The following TTN variants were observed in gnomAD, a reference collection of about 807,000 sequenced individuals.
TTN encodes the protein titin.
Under a neutral mutation model 3,223.0 loss-of-function variants are expected in TTN, and 1,525 were observed. That is an observed-to-expected ratio of 0.47 (90% CI 0.45 to 0.49). The LOEUF (loss-of-function observed/expected upper bound fraction) is 0.49, where lower values mean the gene tolerates loss of function less well. Among genes scored for constraint, TTN ranks in the 20% least tolerant of loss-of-function variants. The pLI, the probability that TTN is intolerant of heterozygous loss-of-function variation, is 0.00. For synonymous variants in TTN, 14,094 were observed against 15,161.0 expected (o/e 0.93, Z 5.17); for missense variants, 40,786 against 43,424.0 (o/e 0.94, Z 5.40).
intron 115 of TTN, 91 bp downstream of exon 115, chr2:178,695,257 G>A (rs1467905571): frequency 1.0e-6 from 1 of 955,318 alleles, no homozygotes; most frequent in East Asian, 2.5e-5. Flanking sequence ...TGTGCCTATT[G>A]GATTGAACTG....
In TTN at chr2:178,602,479, A is replaced by G; in HGVS notation, c.54923T>C (p.Ile18308Thr). Residue 18308 changes from isoleucine to threonine, a missense_variant, in exon 283 of 363, where the codon ATT (isoleucine) becomes ACT (threonine). Ile to Thr is a moderately conservative substitution (Grantham distance 89). Coordinates refer to ENST00000589042, the MANE Select transcript of TTN (RefSeq NM_001267550.2). ...KDGGSPIKGY[I>T]VEMQEEGTTD... ...AGTACCTTCTTCTTGCATTTCTACA[A>G]TGTATCCTTTGATTGGGCTGCCACC... 6.2e-7 allele frequency: 1 copy of G among 1,611,944 alleles called. No individual in the cohort carries two copies. The highest frequency in any genetic ancestry group is 8.5e-7 in the Non-Finnish European group (1 of 1,178,928).
At chr2:178,788,629 T>C (rs1447468758) in intron 13 of TTN, among the ~76,000 whole-genome samples, 2 of 152,100 alleles carry the variant, frequency 1.3e-5, no homozygotes, top group East Asian at 3.8e-4. Flanking sequence ...AGTGGTATAT[T>C]AGCAATAAAG....
At position 178,739,209 on chromosome 2, in the gene TTN, T is replaced by C. The variant is rs776394244; in HGVS notation, c.14024A>G (p.Tyr4675Cys). The C allele has an allele frequency of 5.1e-6, 8 of 1,561,112 alleles. No homozygotes were observed. The Admixed American group carries it at 7.1e-5, about 14-fold the overall frequency. Reference sequence around the variant, plus strand: ...GCTGTCATTCAAGGCCTCACAGACATACTCTCCTTGATGGTCTTCGGTATT... The same window carrying C: ...GCTGTCATTCAAGGCCTCACAGACACACTCTCCTTGATGGTCTTCGGTATT... ...KVNTEDHQGE[Y>C]VCEALNDSGK... Residue 4675 changes from tyrosine to cysteine, a missense_variant, in exon 48 of 363, where the codon TAT becomes TGT. Tyr to Cys is a radical substitution (Grantham distance 194). Coordinates refer to ENST00000589042, the MANE Select transcript of TTN (RefSeq NM_001267550.2).
Position 178,544,103 on chromosome 2 carries a change from A to G in TTN, c.96041T>C (p.Leu32014Pro), listed in dbSNP as rs771064577. The G allele has an allele frequency of 6.2e-7, 1 of 1,606,568 alleles. No individual in the cohort carries two copies. The highest frequency in any genetic ancestry group is 1.3e-5 in the African/African-American group (1 of 74,588). ...EPVERIEIPD[L>P]ELADDLKKTV... ...CTTCTTTAGATCATCTGCAAGCTCAAGATCTGGTATTTCTGGAAAGTTAAT... is the reference window on the plus strand; with the variant it reads ...CTTCTTTAGATCATCTGCAAGCTCAGGATCTGGTATTTCTGGAAAGTTAAT... Residue 32014 changes from leucine (L) to proline (P), a missense_variant, in exon 346 of 363, where the codon CTT becomes CCT. Leu to Pro is a moderately conservative substitution (Grantham distance 98). Transcript: ENST00000589042.
rs1553911494 is a variant in TTN, at chr2:178,722,860, C to T, written c.22039G>A (p.Ala7347Thr). ...GACACTGTAATTTCTGGTGTCCCAGCAACTTGGCATTGTAAAGAAACCGAA... is the reference window on the plus strand; with the variant it reads ...GACACTGTAATTTCTGGTGTCCCAGTAACTTGGCATTGTAAAGAAACCGAA... Reference protein sequence around the residue: ...GDSVSLQCQVAGTPEITVSWY... With the variant: ...GDSVSLQCQVTGTPEITVSWY... Residue 7347 changes from alanine to threonine, a missense_variant, in exon 76 of 363, where the codon GCT becomes ACT. Ala to Thr is a moderately conservative substitution (Grantham distance 58). Coordinates refer to ENST00000589042, the MANE Select transcript of TTN (RefSeq NM_001267550.2). The T allele has an allele frequency of 6.2e-7, 1 of 1,613,174 alleles. No individual in the cohort carries two copies. The highest frequency in any genetic ancestry group is 8.5e-7 in the Non-Finnish European group (1 of 1,179,508).
rs371324060 is a variant in TTN at position 178,581,668 on chromosome 2, G to A, written c.66600C>T (p.Ser22200=). 8.1e-6 allele frequency: 13 copies of A among 1,612,630 alleles called. No homozygotes were observed. The highest frequency in any genetic ancestry group is 2.2e-5 in the East Asian group (1 of 44,612). Reference sequence around the variant, plus strand: ...GTAAGTTGCACCTCACCCAGTTATCGGAGTCAGCCCGTTTTACTTCAACGA... The same window carrying A: ...GTAAGTTGCACCTCACCCAGTTATCAGAGTCAGCCCGTTTTACTTCAACGA... ...GYLVEVKRAD[S]DNWVRCNLPQ... is the part of the protein sequence containing the mutation. Residue 22200 remains serine, a synonymous_variant, in exon 316 of 363, where the codon TCC becomes TCT. Coordinates refer to ENST00000589042, the MANE Select transcript of TTN (RefSeq NM_001267550.2).
At position 178,528,623 on chromosome 2, in the gene TTN, A is replaced by G; in HGVS notation, c.107128T>C (p.Ser35710Pro). 1 of 1,612,672 alleles carries G rather than the reference A, an allele frequency of 6.2e-7. No individual in the cohort carries two copies. The highest frequency in any genetic ancestry group is 8.5e-7 in the Non-Finnish European group (1 of 1,179,262). ...TTTTGTCCTTCATTAATATTTTGAGATCTAGGCTGTGAGATGAAGGCTGGA... is the reference window on the plus strand; with the variant it reads ...TTTTGTCCTTCATTAATATTTTGAGGTCTAGGCTGTGAGATGAAGGCTGGA... ...DAPAFISQPR[S>P]QNINEGQNVL... Residue 35710 changes from serine to proline, a missense_variant, in exon 360 of 363, where the codon TCT (serine) becomes CCT (proline). Ser to Pro is a moderately conservative substitution (Grantham distance 74). Coordinates refer to ENST00000589042, the MANE Select transcript of TTN (RefSeq NM_001267550.2).
rs1260375750 is a variant in TTN, at chr2:178,778,676, T to C, written c.4208+198A>G. ...TAGCACTAGGAAAATAAACAGTATGTTACACTGATGAAAATTCTTTGCTCA... is the reference window on the plus strand; with the variant it reads ...TAGCACTAGGAAAATAAACAGTATGCTACACTGATGAAAATTCTTTGCTCA... On this transcript the variant is annotated intron_variant, in intron 24 of 362. Transcript: ENST00000589042. 4.3e-6 allele frequency: 3 copies of C among 693,398 alleles called. No homozygotes were observed. In the African/African-American group the frequency reaches 5.4e-5, roughly 12 times the overall value. The allele number at this position is 693,398 out of a possible 1,614,324, so 43.0% of individuals were successfully genotyped here.
chr2:178,593,923 G>T, intron 297 of TTN, 38 bp downstream of exon 297: 17 of 1,607,770 alleles, frequency 1.1e-5, no homozygotes, highest in Non-Finnish European at 1.4e-5. Flanking sequence ...GCTTTTGAAA[G>T]AACAGAAGAT....
In TTN at chr2:178,597,981, A is replaced by C. The variant is rs1314872554; in HGVS notation, c.57189T>G (p.Val19063=). The change falls in exon 293 of 363, where the codon GTT becomes GTG. Residue 19063 remains valine, a synonymous_variant. Transcript: ENST00000589042. ...CAATGCCAGCAATGTTGACTGCTCT[A>C]ACTCTAAATTTGTAGAATGCTCCTT... ...LKEGAFYKFR[V]RAVNIAGIGE... The C allele has an allele frequency of 1.5e-5, 25 of 1,613,384 alleles. No individual in the cohort carries two copies. The highest frequency in any genetic ancestry group is 2.0e-5 in the Non-Finnish European group (24 of 1,179,568).
chr2:178,610,079 T>G lies in TTN; in HGVS notation c.51436+11A>C. On this transcript the variant is annotated intron_variant, in intron 271 of 362. Coordinates refer to ENST00000589042, the MANE Select transcript of TTN (RefSeq NM_001267550.2). Reference sequence around the variant, plus strand: ...AGTTCTTAGCCATAGTGCATCCATGTCCAAACTTACGCTTTGGATCTTGAG... The same window carrying G: ...AGTTCTTAGCCATAGTGCATCCATGGCCAAACTTACGCTTTGGATCTTGAG... 6.2e-7 allele frequency: 1 copy of G among 1,612,622 alleles called. No individual in the cohort carries two copies. The highest frequency in any genetic ancestry group is 8.5e-7 in the Non-Finnish European group (1 of 1,179,236).
rs760457056 is a variant in TTN at position 178,590,481 on chromosome 2, G to A, written c.61244C>T (p.Thr20415Ile). The A allele has an allele frequency of 1.1e-5, 17 of 1,612,872 alleles. No homozygotes were observed. The highest frequency in any genetic ancestry group is 4.4e-5 in the South Asian group (4 of 91,016). The change falls in exon 304 of 363, where the codon ACA becomes ATA. Residue 20415 changes from threonine to isoleucine, a missense_variant. Thr to Ile is a moderately conservative substitution (Grantham distance 89). Coordinates refer to ENST00000589042, the MANE Select transcript of TTN (RefSeq NM_001267550.2). ...GYVVECQKPG[T>I]AQWNRINKDE... ...TTTATTAATCCTGTTCCATTGTGCT[G>A]TGCCAGGTTTCTGACATTCCACTAC...
At chr2:178,663,562 C>T in intron 171 of TTN, 46 bp from the exon 172 acceptor site, 1 of 1,613,652 alleles carries the variant, frequency 6.2e-7, no homozygotes, top group Non-Finnish European at 8.5e-7. Flanking sequence ...ATGAAGACCA[C>T]TAGAAAAATA....
rs2080290045 is a variant in TTN, at chr2:178,730,668, A to G, written c.17865T>C (p.Asp5955=). 1 of 1,613,690 alleles carries G rather than the reference A, an allele frequency of 6.2e-7. No individual in the cohort carries two copies. The highest frequency in any genetic ancestry group is 8.5e-7 in the Non-Finnish European group (1 of 1,179,714). Residue 5955 remains aspartate, a synonymous_variant, in exon 61 of 363, where the codon GAT becomes GAC. Coordinates refer to ENST00000589042, the MANE Select transcript of TTN (RefSeq NM_001267550.2). ...SHPISIQWFK[D]DQEISASEKY... is the part of the protein sequence containing the mutation. ...TTTCACTAGCTGATATTTCTTGGTC[A>G]TCTTTGAACCACTGGATGCTTATGG...
rs2050121719 is a variant in TTN, at chr2:178,591,181, GAAT to G, written c.60541_60543del (p.Ile20181del). The G allele has an allele frequency of 6.2e-7, 1 of 1,613,240 alleles. No homozygotes were observed. The highest frequency in any genetic ancestry group is 1.3e-5 in the African/African-American group (1 of 74,870). ...GTCATGTGTTCAGGAGTAACATCCAGAATATTAATAGGACCTGTTGGTGGCCCA... is the reference window on the plus strand; with the variant it reads ...GTCATGTGTTCAGGAGTAACATCCAGATTAATAGGACCTGTTGGTGGCCCA... On this transcript the variant is annotated inframe_deletion, in exon 304 of 363. Transcript: ENST00000589042.
intron 69 of TTN, 78 bp downstream of exon 69, chr2:178,727,012 T>C: frequency 1.6e-6 from 2 of 1,267,746 alleles, no homozygotes; most frequent in Non-Finnish European, 1.0e-6. Context: ...AAAATGATAG[T>C]AAATGAATAA....
chr2:178,667,536 A>G lies in TTN; in HGVS notation c.35630-11T>C. 6.3e-6 allele frequency: 10 copies of G among 1,593,970 alleles called. No homozygotes were observed. Among genetic ancestry groups the G allele is most frequent in the Non-Finnish European group, 8.5e-6 (10 of 1,177,248 alleles). ...TGGGTGGCTCAGGCACTTAAAAGAT[A>G]TGAGTATAGTTATATTTATAAATGG... On this transcript the variant is annotated splice_polypyrimidine_tract_variant and intron_variant, in intron 160 of 362. Transcript: ENST00000589042.
At chr2:178,621,430 T>C in intron 245 of TTN, 45 bp downstream of exon 245, 2 of 1,606,628 alleles carry the variant, frequency 1.2e-6, no homozygotes, top group Non-Finnish European at 8.5e-7. Context: ...ATCTAGCAAG[T>C]GTGAATTGTT....
At position 178,613,936 on chromosome 2, in the gene TTN, A is replaced by T; in HGVS notation, c.49347T>A (p.Asp16449Glu). The T allele has an allele frequency of 3.7e-6, 6 of 1,607,160 alleles. No homozygotes were observed. Among genetic ancestry groups the T allele is most frequent in the Non-Finnish European group, 5.1e-6 (6 of 1,176,848 alleles). ...CTAGGCGAGTTGGAGGACCAGGTGG[A>T]TCTATAGACAGGATAATGGTGTAAA... ...ASPITAKYQFDPPGPPTRLEP... is the reference protein window; with the variant it reads ...ASPITAKYQFEPPGPPTRLEP... Residue 16449 changes from aspartate (D) to glutamate (E), a missense_variant and splice_region_variant, in exon 263 of 363, where the codon GAT becomes GAA. Physicochemically the swap from Asp to Glu is conservative, Grantham distance 45. Coordinates refer to ENST00000589042, the MANE Select transcript of TTN (RefSeq NM_001267550.2).
Sources: gnomAD v4.1 joint callset for allele counts (sites outside exome capture counted in the v4.1 genomes callset) on GRCh38, gnomAD v4.1.1 for gene constraint, MANE v1.5 for transcripts, NCBI Gene and HGNC (gene_info 2026-07-23, HGNC 2026-07-21) for gene names.